Variants in FRA10AC1 observed in about 807,000 individuals in gnomAD.
FRA10AC1 encodes protein FRA10AC1.
A neutral mutation model predicts 56.5 loss-of-function variants in FRA10AC1; 43 were observed. The ratio of observed to expected loss-of-function variants is 0.76; its 90% CI spans 0.60 to 0.98. The LOEUF is 0.98. Ranked by LOEUF, FRA10AC1 falls within the 50% of genes least tolerant of loss-of-function variation. FRA10AC1 has a pLI of 0.00. For missense variants in FRA10AC1, 346 were observed against 351.8 expected, an observed-to-expected ratio of 0.98 and a Z score of 0.13; for synonymous variants, 112 against 110.5, an observed-to-expected ratio of 1.01 and a Z score of -0.09.
In FRA10AC1 at chr10:93,702,522, ACCGCCGCCGCCGCCG is replaced by A. The variant is rs139811637; in HGVS notation, c.-163_-149del. On this transcript the variant is annotated 5_prime_UTR_variant, in exon 1 of 14. Transcript: ENST00000359204. Reference sequence around the variant, plus strand: ...GCCGCACAGCCTCGCCACAACCACCACCGCCGCCGCCGCCGCCGCCGCCGCCCGCAACCCGCCTCT... The same window carrying A: ...GCCGCACAGCCTCGCCACAACCACCACCGCCGCCGCCCGCAACCCGCCTCT... 1.4e-5 allele frequency: 3 copies of A among 215,916 alleles called. No homozygotes were observed. The highest frequency in any genetic ancestry group is 5.9e-5 in the South Asian group (1 of 16,982). 13.4% of individuals were successfully genotyped at this position (215,916 alleles called of 1,614,324 possible).
chr10:93,701,500 A>C (rs1484282938), intron 1 of FRA10AC1, among the ~76,000 whole-genome samples: 1 of 152,178 alleles, frequency 6.6e-6, no homozygotes, highest in African/African-American at 2.4e-5. Flanking sequence ...TTAAATCTTT[A>C]AATAACCTTT....
intron 8 of FRA10AC1, 89 bp downstream of exon 8, chr10:93,687,315 A>G (rs540081246): frequency 3.0e-6 from 3 of 1,012,766 alleles, no homozygotes; most frequent in Admixed American, 3.3e-5. Context: ...AATTTCTTGT[A>G]TATGTTAGGA....
chr10:93,689,276 T>A (rs1041905229), intron 7 of FRA10AC1, among the ~76,000 whole-genome samples: 7 of 152,010 alleles, frequency 4.6e-5, no homozygotes, highest in Non-Finnish European at 1.0e-4. Context: ...ATTATTTTTT[T>A]TAAAAAATCA....
At chr10:93,694,143 C>T (rs2059188040) in intron 5 of FRA10AC1, among the ~76,000 whole-genome samples, 2 of 151,922 alleles carry the variant, frequency 1.3e-5, no homozygotes, top group Non-Finnish European at 2.9e-5. Flanking sequence ...ATAGAAGAGC[C>T]TTAAACATGG....
chr10:93,685,135 C>T (rs181127998), intron 9 of FRA10AC1, 111 bp downstream of exon 9: 213 of 617,720 alleles, frequency 3.4e-4, no homozygotes, highest in Non-Finnish European at 5.6e-4. Flanking sequence ...GAAAAAAGAG[C>T]ACTTCCAGAA....
intron 5 of FRA10AC1, 43 bp downstream of exon 5, chr10:93,694,818 C>T (rs2059202360): frequency 8.8e-7 from 1 of 1,139,664 alleles, no homozygotes; most frequent in Non-Finnish European, 1.3e-6. Context: ...TTAAAGTTTC[C>T]CATAACCCAC....
At position 93,681,517 on chromosome 10, in the gene FRA10AC1, T is replaced by C; in HGVS notation, c.750A>G (p.Leu250=). ...TCTTGGAGGCCTCTTCTGCAGAAGA[T>C]AATCTGGATTTTTTATGTGATGACT... is the stretch of plus-strand genomic sequence containing the variant. ...CEESSHKKSR[L]SSAEEASKKK... The change falls in exon 11 of 14, where the codon TTA becomes TTG. Residue 250 remains leucine (L), a synonymous_variant. Transcript: ENST00000359204. 1 of 1,580,382 alleles carries C rather than the reference T, an allele frequency of 6.3e-7. No individual in the cohort carries two copies. The highest frequency in any genetic ancestry group is 8.6e-7 in the Non-Finnish European group (1 of 1,168,424).
chr10:93,673,805 G>A (rs1159450455), intron 12 of FRA10AC1: 2 of 450,710 alleles, frequency 4.4e-6, no homozygotes, highest in Non-Finnish European at 4.5e-6. Flanking sequence ...CAACGAAGTA[G>A]GTCTCTTTAT....
chr10:93,680,408 C>T (rs12268457), intron 11 of FRA10AC1, among the ~76,000 whole-genome samples: 1 of 152,126 alleles, frequency 6.6e-6, no homozygotes, highest in Non-Finnish European at 1.5e-5. Context: ...ATAACAATAT[C>T]TTCCTCTCAC....
At chr10:93,685,213 G>C (rs200966941) in intron 9 of FRA10AC1, 33 bp downstream of exon 9, 22 of 899,916 alleles carry the variant, frequency 2.4e-5, no homozygotes, top group Middle Eastern at 4.3e-4. Context: ...AAACTTGGAA[G>C]AATCAATCAT....
intron 7 of FRA10AC1, among the ~76,000 whole-genome samples, chr10:93,691,036 C>T (rs962732527): frequency 6.6e-6 from 1 of 151,970 alleles, no homozygotes; most frequent in South Asian, 2.1e-4. Flanking sequence ...TACAAGATAG[C>T]TTTTTAAATA....
chr10:93,672,105 C>T lies in FRA10AC1; in HGVS notation c.827-1257G>A, dbSNP rs59235847. 2,638 of 444,266 alleles carry T rather than the reference C, an allele frequency of 5.9e-3. 64 individuals are homozygous for T. The highest frequency in any genetic ancestry group is 0.049 in the African/African-American group (2,442 of 49,528). The allele number at this position is 444,266 out of a possible 1,614,324, so 27.5% of individuals were successfully genotyped here. A position where few individuals can be genotyped will look rare whatever the true frequency, so the allele number is the denominator to read the frequency against. On this transcript the variant is annotated intron_variant, in intron 12 of 13. Transcript: ENST00000359204. The stretch of plus-strand genomic sequence containing the variant: ...GATTATTAGTCTAAAAAAGAAATGG[C>T]ACAAATGTGGCCTGTCAATACAGAA...
At chr10:93,684,460 C>T (rs1412772083) in intron 9 of FRA10AC1, among the ~76,000 whole-genome samples, 6 of 150,300 alleles carry the variant, frequency 4.0e-5, no homozygotes, top group African/African-American at 1.5e-4. Context: ...CTTTCAAATG[C>T]AAAGGAGCTT....
rs1034869001 is a variant in FRA10AC1 at position 93,669,536 on chromosome 10, C to T, written c.*290G>A. Reference sequence around the variant, plus strand: ...AATGAAGGCAGTGAAAAAAAACCTACAAAATGTAGGAACAATGGAATCTGT... The same window carrying T: ...AATGAAGGCAGTGAAAAAAAACCTATAAAATGTAGGAACAATGGAATCTGT... On this transcript the variant is annotated 3_prime_UTR_variant, in exon 14 of 14. Coordinates refer to ENST00000359204, the MANE Select transcript of FRA10AC1 (RefSeq NM_145246.5). 3.1e-5 allele frequency: 9 copies of T among 287,610 alleles called. No individual in the cohort carries two copies. Among genetic ancestry groups the T allele is most frequent in the Non-Finnish European group, 5.8e-5 (9 of 156,504 alleles). 17.8% of individuals were successfully genotyped at this position (287,610 alleles called of 1,614,324 possible). A position where few individuals can be genotyped will look rare whatever the true frequency, so the allele number is the denominator to read the frequency against.
chr10:93,691,503 G>A (rs1412787805), intron 7 of FRA10AC1, among the ~76,000 whole-genome samples: 1 of 152,120 alleles, frequency 6.6e-6, no homozygotes, highest in Non-Finnish European at 1.5e-5. Flanking sequence ...ACTAAAGTAA[G>A]ATGTAAAGTG....
intron 10 of FRA10AC1, among the ~76,000 whole-genome samples, chr10:93,682,841 C>T (rs1047667516): frequency 1.3e-5 from 2 of 151,730 alleles, no homozygotes; most frequent in Non-Finnish European, 2.9e-5. Context: ...TAAAAATAAT[C>T]CTGCTAATTT....
At position 93,669,827 on chromosome 10, in the gene FRA10AC1, C is replaced by T; in HGVS notation, c.947G>A (p.Ter316=). The change falls in exon 14 of 14, where the codon TGA becomes TAA. Residue 316 remains the stop codon, a stop_retained_variant. Transcript: ENST00000359204. ...GAGCGGAGGCTTCTCTCTCTCGTCT[C>T]ATAGAAACAAATCCTGAAAATACTC... ...FDEYFQDLFL[*] 1 of 1,571,096 alleles carries T rather than the reference C, an allele frequency of 6.4e-7. No individual in the cohort carries two copies. The highest frequency in any genetic ancestry group is 1.4e-5 in the African/African-American group (1 of 73,082).
At chr10:93,696,793 T>C (rs914433945) in intron 4 of FRA10AC1, among the ~76,000 whole-genome samples, 16 of 152,352 alleles carry the variant, frequency 1.1e-4, no homozygotes, top group Admixed American at 5.9e-4. Flanking sequence ...AATGAGATCA[T>C]GTCCTTTGCA....
intron 9 of FRA10AC1, among the ~76,000 whole-genome samples, chr10:93,684,813 G>T (rs2058997099): frequency 6.6e-6 from 1 of 152,152 alleles, no homozygotes; most frequent in Non-Finnish European, 1.5e-5. Flanking sequence ...TAAGACTGAG[G>T]TCAAGAACAA....
Sources: allele counts gnomAD v4.1 joint callset (sites outside exome capture counted in the v4.1 genomes callset), GRCh38; gene constraint gnomAD v4.1.1; transcripts MANE v1.5; gene names NCBI Gene and HGNC (gene_info 2026-07-23, HGNC 2026-07-21).